The following PGK1 variants were observed in gnomAD, a reference collection of about 807,000 sequenced individuals.
PGK1 encodes PRP 2.
A neutral mutation model predicts 26.9 loss-of-function variants in PGK1; 3 were observed. The observed-to-expected ratio is 0.11, with a 90% CI of 0.05 to 0.29. The LOEUF is 0.29. Ranked by LOEUF, PGK1 falls within the 10% of genes least tolerant of loss-of-function variation. PGK1 has a pLI of 1.00. For synonymous variants in PGK1, 125 were observed against 115.3 expected (o/e 1.08, Z -0.54); for missense variants, 270 against 314.7 (o/e 0.86, Z 1.07).
intron 5 of PGK1, 28 bp from the exon 6 acceptor site, chrX:78,118,023 G>A: frequency 8.4e-7 from 1 of 1,194,353 alleles, no homozygotes; most frequent in South Asian, 1.8e-5. Flanking sequence ...GGATTGACTA[G>A]AATCTGAATG....
chrX:78,126,144 G>T lies in PGK1; in HGVS notation c.*314G>T, dbSNP rs1557248683. 2 of 283,119 alleles carry T rather than the reference G, an allele frequency of 7.1e-6. No individual in the cohort carries two copies. The highest frequency in any genetic ancestry group is 5.3e-5 in the African/African-American group (2 of 37,756). 23.3% of individuals were successfully genotyped at this position (283,119 alleles called of 1,213,427 possible). A position where few individuals can be genotyped will look rare whatever the true frequency, so the allele number is the denominator to read the frequency against. On this transcript the variant is annotated 3_prime_UTR_variant, in exon 11 of 11. Coordinates refer to ENST00000373316, the MANE Select transcript of PGK1 (RefSeq NM_000291.4). Reference sequence around the variant, plus strand: ...GTTAGCTTAGTTCTCTTTTGATGTAGGTTATTATGATTAGCTTTGTCACTG... The same window carrying T: ...GTTAGCTTAGTTCTCTTTTGATGTATGTTATTATGATTAGCTTTGTCACTG...
In PGK1 at chrX:78,110,319, A is replaced by C. The variant is rs782411588; in HGVS notation, c.116+402A>C. Among the ~76,000 whole-genome samples the C allele has an allele frequency of 2.1e-4, 23 of 108,787 alleles. No individual in the cohort carries two copies. The South Asian group carries it at 9.5e-3, about 45-fold the overall frequency. 94.5% of individuals were successfully genotyped at this position (108,787 alleles called of 115,157 possible). A position where few individuals can be genotyped will look rare whatever the true frequency, so the allele number is the denominator to read the frequency against. The stretch of plus-strand genomic sequence containing the variant: ...AGGTGCACACCACTACACCTGGTTA[A>C]ATTAAAAAAAAATTTTTTTTTGTAG... On this transcript the variant is annotated intron_variant, in intron 2 of 10. Coordinates refer to ENST00000373316, the MANE Select transcript of PGK1 (RefSeq NM_000291.4).
chrX:78,104,607 C>T (rs782549978), intron 1 of PGK1, among the ~76,000 whole-genome samples: 14 of 111,429 alleles, frequency 1.3e-4, no homozygotes, highest in Non-Finnish European at 2.6e-4. Context: ...CCCGAAGTCA[C>T]CCTTCGGGGA....
At chrX:78,124,312 G>A (rs1234926678) in intron 8 of PGK1, among the ~76,000 whole-genome samples, 1 of 111,495 alleles carries the variant, frequency 9.0e-6, no homozygotes, top group Admixed American at 9.5e-5. Flanking sequence ...AAGTTCTTGG[G>A]TCCCACCCCA....
At chrX:78,104,906 A>AC (rs1387216458) in intron 1 of PGK1, among the ~76,000 whole-genome samples, 8 of 103,729 alleles carry the variant, frequency 7.7e-5, no homozygotes, top group East Asian at 3.0e-4. Flanking sequence ...TCAGGAGTAG[A>AC]CCCCCCCGCC....
chrX:78,111,729 A>G (rs2078302443), intron 2 of PGK1, among the ~76,000 whole-genome samples: 1 of 112,146 alleles, frequency 8.9e-6, no homozygotes, highest in Non-Finnish European at 1.9e-5. Context: ...GGGTCTTTGT[A>G]TAAGGCAGAT....
At chrX:78,121,378 C>T (rs2078354122) in intron 6 of PGK1, among the ~76,000 whole-genome samples, 1 of 111,994 alleles carries the variant, frequency 8.9e-6, no homozygotes, top group Admixed American at 9.5e-5. Flanking sequence ...TCCTTTCTAA[C>T]TGCTTTCTTC....
intron 2 of PGK1, among the ~76,000 whole-genome samples, chrX:78,110,276 C>T (rs782023937): frequency 2.7e-5 from 3 of 109,603 alleles, no homozygotes; most frequent in Non-Finnish European, 5.7e-5. Flanking sequence ...CCTCAGCTTC[C>T]CGAGGAGCTG....
At chrX:78,116,447 T>C (rs2149133287) in intron 4 of PGK1, among the ~76,000 whole-genome samples, 1 of 112,555 alleles carries the variant, frequency 8.9e-6, no homozygotes, top group South Asian at 3.6e-4. Context: ...CCATTTTTTA[T>C]GGCAGTCCCC....
chrX:78,120,963 T>C (rs1336213377), intron 6 of PGK1, among the ~76,000 whole-genome samples: 2 of 112,461 alleles, frequency 1.8e-5, no homozygotes, highest in Non-Finnish European at 1.9e-5. Context: ...AATCTGAAAA[T>C]ATGAAATCTG....
intron 2 of PGK1, among the ~76,000 whole-genome samples, chrX:78,110,922 A>G (rs1437998835): frequency 3.7e-5 from 4 of 109,369 alleles, no homozygotes; most frequent in African/African-American, 1.3e-4. Flanking sequence ...AGATTATAAA[A>G]GGTCTTTATT....
intron 8 of PGK1, 25 bp from the exon 9 acceptor site, chrX:78,124,848 TC>T: frequency 2.5e-6 from 3 of 1,189,768 alleles, no homozygotes; most frequent in Non-Finnish European, 3.4e-6. Context: ...TGATAGCTCA[TC>T]TTCTCTTTCA....
At chrX:78,117,216 G>C in intron 4 of PGK1, 96 bp from the exon 5 acceptor site, 1 of 612,405 alleles carries the variant, frequency 1.6e-6, no homozygotes, top group Non-Finnish European at 2.8e-6. Flanking sequence ...CCTACTCAGG[G>C]TCTTTAGAGA....
At chrX:78,106,270 G>A in intron 1 of PGK1, 1 of 264,492 alleles carries the variant, frequency 3.8e-6, no homozygotes, top group Middle Eastern at 2.1e-3. Flanking sequence ...GCAGAGCTAG[G>A]AGTAGAATTT....
chrX:78,116,051 G>A (rs1361019066), intron 4 of PGK1, among the ~76,000 whole-genome samples: 4 of 108,845 alleles, frequency 3.7e-5, no homozygotes, highest in Non-Finnish European at 7.6e-5. Context: ...GTAGAGACGG[G>A]GTCTTGCTAT....
chrX:78,105,662 C>T (rs1557246126), intron 1 of PGK1, among the ~76,000 whole-genome samples: 5 of 111,728 alleles, frequency 4.5e-5, no homozygotes, highest in African/African-American at 3.3e-5. Context: ...TGTAGCTCTC[C>T]TCTTCTCTCT....
At chrX:78,120,297 CTTTT>C (rs2078347653) in intron 6 of PGK1, among the ~76,000 whole-genome samples, 2 of 110,008 alleles carry the variant, frequency 1.8e-5, no homozygotes, top group Admixed American at 9.8e-5. Flanking sequence ...AATCTTGTTT[CTTTT>C]ATGTCCTAAC....
intron 5 of PGK1, 100 bp from the exon 6 acceptor site, chrX:78,117,951 G>A: frequency 1.2e-5 from 10 of 835,890 alleles, no homozygotes; most frequent in Non-Finnish European, 1.8e-5. Flanking sequence ...ATTTCTTGCA[G>A]TCCAGAAGTA....
At chrX:78,109,233 T>C (rs1218441820) in intron 1 of PGK1, among the ~76,000 whole-genome samples, 2 of 111,842 alleles carry the variant, frequency 1.8e-5, no homozygotes, top group Non-Finnish European at 3.8e-5. Flanking sequence ...GGCTGTCTTA[T>C]GTTGTGTGTA....
Sources: allele counts gnomAD v4.1 joint callset (sites outside exome capture counted in the v4.1 genomes callset), GRCh38; gene constraint gnomAD v4.1.1; transcripts MANE v1.5; gene names NCBI Gene and HGNC (gene_info 2026-07-23, HGNC 2026-07-21).